The following FMNL2 variants were observed in gnomAD, a reference collection of about 807,000 sequenced individuals.
The protein encoded by FMNL2 is formin like 2.
A neutral mutation model predicts 130.2 loss-of-function variants in FMNL2; 51 were observed. The ratio of observed to expected loss-of-function variants is 0.39; its 90% CI spans 0.31 to 0.49. The LOEUF (loss-of-function observed/expected upper bound fraction) is 0.49. Among genes scored for constraint, FMNL2 ranks in the 20% least tolerant of loss-of-function variants. FMNL2 has a pLI of 0.85. For missense variants in FMNL2, 977 were observed against 1,316.2 expected (o/e 0.74, Z 3.99); for synonymous variants, 465 against 467.1 (o/e 1.00, Z 0.06).
At chr2:152,617,052 A>T in intron 12 of FMNL2, 39 bp from the exon 13 acceptor site, 1 of 1,573,974 alleles carries the variant, frequency 6.4e-7, no homozygotes, top group Non-Finnish European at 8.7e-7. Flanking sequence ...GATCAAGATG[A>T]TCCTGTATTG....
intron 4 of FMNL2, among the ~76,000 whole-genome samples, chr2:152,557,473 G>A (rs924344509): frequency 1.3e-5 from 2 of 152,178 alleles, no homozygotes; most frequent in African/African-American, 2.4e-5. Context: ...CCACTTTGCC[G>A]CCTCCTGGAA....
At chr2:152,612,360 A>G (rs930814488) in intron 11 of FMNL2, among the ~76,000 whole-genome samples, 2 of 152,092 alleles carry the variant, frequency 1.3e-5, no homozygotes, top group Non-Finnish European at 2.9e-5. Context: ...TCTATACAAA[A>G]CACCAAAAAA....
chr2:152,519,434 G>C (rs1692952097), intron 1 of FMNL2, among the ~76,000 whole-genome samples: 1 of 152,168 alleles, frequency 6.6e-6, no homozygotes, highest in African/African-American at 2.4e-5. Context: ...AGTCTGGAAG[G>C]GGCATCTTGC....
chr2:152,449,497 G>C (rs751740301), intron 1 of FMNL2, among the ~76,000 whole-genome samples: 1 of 152,096 alleles, frequency 6.6e-6, no homozygotes, highest in Non-Finnish European at 1.5e-5. Context: ...TCTCATCCTT[G>C]CAGGGAAGCA....
At chr2:152,572,778 G>A (rs947120970) in intron 6 of FMNL2, among the ~76,000 whole-genome samples, 1 of 151,070 alleles carries the variant, frequency 6.6e-6, no homozygotes, top group Non-Finnish European at 1.5e-5. Flanking sequence ...ATGCGTTGGA[G>A]CTGAATTCAA....
intron 1 of FMNL2, among the ~76,000 whole-genome samples, chr2:152,349,901 T>A (rs1160414213): frequency 1.3e-5 from 2 of 152,182 alleles, no homozygotes; most frequent in Admixed American, 6.5e-5. Context: ...GTCCAAAAAA[T>A]ATTTCTTGAG....
chr2:152,601,036 G>A (rs1260976668), intron 9 of FMNL2, among the ~76,000 whole-genome samples: 1 of 152,064 alleles, frequency 6.6e-6, no homozygotes, highest in African/African-American at 2.4e-5. Flanking sequence ...AATACTGAGG[G>A]AGAGAATTTT....
At chr2:152,503,212 C>A (rs760198650) in intron 1 of FMNL2, among the ~76,000 whole-genome samples, 4 of 152,126 alleles carry the variant, frequency 2.6e-5, no homozygotes, top group Non-Finnish European at 5.9e-5. Context: ...CAATTCTGAA[C>A]AGAGCATGGA....
intron 1 of FMNL2, chr2:152,390,737 G>A (rs548759357): frequency 4.4e-6 from 3 of 675,592 alleles, no homozygotes; most frequent in Non-Finnish European, 8.2e-6. Flanking sequence ...CTTGGGGTAG[G>A]CATGGGACTG....
chr2:152,649,789 A>C lies in FMNL2; in HGVS notation c.*1884A>C, dbSNP rs958758238. The C allele has an allele frequency of 1.3e-5, 2 of 152,638 alleles. No individual in the cohort carries two copies. The highest frequency in any genetic ancestry group is 2.9e-5 in the Non-Finnish European group (2 of 68,044). 9.5% of individuals were successfully genotyped at this position (152,638 alleles called of 1,614,324 possible). Reference sequence around the variant, plus strand: ...TTCATGTTACTTTTCTGGTCTTTTCATGGCATATGAGCAAATAATAAACTA... The same window carrying C: ...TTCATGTTACTTTTCTGGTCTTTTCCTGGCATATGAGCAAATAATAAACTA... On this transcript the variant is annotated 3_prime_UTR_variant, in exon 26 of 26. Coordinates refer to ENST00000288670, the MANE Select transcript of FMNL2 (RefSeq NM_052905.4).
At chr2:152,510,269 C>G (rs1349609564) in intron 1 of FMNL2, among the ~76,000 whole-genome samples, 1 of 152,170 alleles carries the variant, frequency 6.6e-6, no homozygotes, top group Non-Finnish European at 1.5e-5. Flanking sequence ...GAGCAGAATT[C>G]TGTTAGACAA....
chr2:152,381,562 G>A (rs540042269), intron 1 of FMNL2, among the ~76,000 whole-genome samples: 4 of 152,268 alleles, frequency 2.6e-5, no homozygotes, highest in African/African-American at 4.8e-5. Context: ...TAGGGTTTCC[G>A]CTCTGTGTGG....
chr2:152,473,586 T>A (rs922832317), intron 1 of FMNL2, among the ~76,000 whole-genome samples: 2 of 152,216 alleles, frequency 1.3e-5, no homozygotes, highest in Admixed American at 1.3e-4. Context: ...GAGAAAATCA[T>A]GGGGCTGATA....
chr2:152,508,353 T>A (rs965234873), intron 1 of FMNL2, among the ~76,000 whole-genome samples: 1 of 152,204 alleles, frequency 6.6e-6, no homozygotes, highest in African/African-American at 2.4e-5. Context: ...TAAAACCTAA[T>A]AATCAAACAG....
At chr2:152,616,327 GTTTTTTT>G (rs36107333) in intron 12 of FMNL2, among the ~76,000 whole-genome samples, 1 of 110,056 alleles carries the variant, frequency 9.1e-6, no homozygotes, top group African/African-American at 3.7e-5. Flanking sequence ...ATTTTTGTGG[GTTTTTTT>G]TTTTTTTTTT....
intron 2 of FMNL2, 112 bp downstream of exon 2, chr2:152,522,138 G>A (rs4664593): frequency 0.6 from 504,122 of 841,006 alleles, 152,810 homozygotes; most frequent in South Asian, 0.62. Context: ...TTGCTTCTGC[G>A]ACAGAGATAG....
At chr2:152,607,006 G>GTT (rs58237890) in intron 9 of FMNL2, among the ~76,000 whole-genome samples, 39 of 84,866 alleles carry the variant, frequency 4.6e-4, no homozygotes, top group African/African-American at 1.2e-3. Context: ...TTTTTTTTTT[G>GTT]TTTTTTTTTT....
chr2:152,626,292 C>T (rs1681780913), intron 16 of FMNL2, among the ~76,000 whole-genome samples: 1 of 152,182 alleles, frequency 6.6e-6, no homozygotes, highest in Admixed American at 6.5e-5. Context: ...CCGCCTTGGC[C>T]TCCCAAAGTG....
At chr2:152,355,195 C>T (rs1285700998) in intron 1 of FMNL2, among the ~76,000 whole-genome samples, 2 of 152,146 alleles carry the variant, frequency 1.3e-5, no homozygotes, top group Admixed American at 6.6e-5. Flanking sequence ...AGACGTTACT[C>T]TAATGCTCAT....
Sources: allele counts gnomAD v4.1 joint callset (sites outside exome capture counted in the v4.1 genomes callset), GRCh38; gene constraint gnomAD v4.1.1; transcripts MANE v1.5; gene names NCBI Gene and HGNC (gene_info 2026-07-23, HGNC 2026-07-21).